The following DNAH5 variants were observed in gnomAD, a reference collection of about 807,000 sequenced individuals.
The protein encoded by DNAH5 is dynein axonemal heavy chain 5.
DNAH5 carries 372 observed loss-of-function variants against 518.2 expected under a neutral mutation model. The ratio of observed to expected loss-of-function variants is 0.72; its 90% confidence interval spans 0.66 to 0.78. The LOEUF (loss-of-function observed/expected upper bound fraction) is 0.78. Ranked by LOEUF, DNAH5 falls within the 30% of genes least tolerant of loss-of-function variation. DNAH5 has a pLI of 0.00. For synonymous variants in DNAH5, 2,039 were observed against 2,025.9 expected (o/e 1.01, Z -0.17); for missense variants, 5,523 against 5,687.0 (o/e 0.97, Z 0.93).
chr5:13,753,822 T>A (rs1750598381), intron 62 of DNAH5, among the ~76,000 whole-genome samples: 1 of 152,124 alleles, frequency 6.6e-6, no homozygotes, highest in African/African-American at 2.4e-5. Flanking sequence ...CCTCTAAGTT[T>A]AAGAGAATAA....
At chr5:13,791,174 T>A (rs975998152) in intron 50 of DNAH5, among the ~76,000 whole-genome samples, 1 of 152,226 alleles carries the variant, frequency 6.6e-6, no homozygotes, top group African/African-American at 2.4e-5. Context: ...GTTTTTTTAG[T>A]AATCAACACT....
chr5:13,783,161 G>A (rs1755446941), intron 52 of DNAH5, among the ~76,000 whole-genome samples: 1 of 152,220 alleles, frequency 6.6e-6, no homozygotes, highest in South Asian at 2.1e-4. Context: ...TGCCAGGCAT[G>A]AGCTGAGCTA....
At chr5:13,869,324 G>GA (rs1554084268) in intron 24 of DNAH5, among the ~76,000 whole-genome samples, 1 of 151,514 alleles carries the variant, frequency 6.6e-6, no homozygotes, top group Non-Finnish European at 1.5e-5. Context: ...TACAACTGGA[G>GA]TTTTTTTTAA....
chr5:13,898,511 T>C (rs1774185294), intron 15 of DNAH5: 4 of 398,472 alleles, frequency 1.0e-5, no homozygotes, highest in Middle Eastern at 6.2e-4. Context: ...CTTTTTAATA[T>C]GACATGAAGT....
chr5:13,882,985 C>T lies in DNAH5; in HGVS notation c.3093G>A (p.Gln1031=). 7 of 1,614,174 alleles carry T rather than the reference C, an allele frequency of 4.3e-6. No individual in the cohort carries two copies. Among genetic ancestry groups the T allele is most frequent in the Non-Finnish European group, 5.9e-6 (7 of 1,180,026 alleles). ...IVMAPALEDV[Q]QTLNKAVECI... is the part of the protein sequence containing the mutation. ...ACTCCACGGCTTTGTTCAGGGTCTGCTGTACATCTTCCAGGGCAGGGGCCA... is the reference window on the plus strand; with the variant it reads ...ACTCCACGGCTTTGTTCAGGGTCTGTTGTACATCTTCCAGGGCAGGGGCCA... The change falls in exon 20 of 79, where the codon CAG becomes CAA. Residue 1031 remains glutamine (Q), a synonymous_variant. Coordinates refer to ENST00000265104, the MANE Select transcript of DNAH5 (RefSeq NM_001369.3).
chr5:13,858,219 C>G (rs7720298), intron 30 of DNAH5, among the ~76,000 whole-genome samples: 35,403 of 152,054 alleles, frequency 0.23, 4,572 homozygotes, highest in South Asian at 0.39. Flanking sequence ...ACATATACAC[C>G]ATGGAATACT....
chr5:13,698,804 G>GCC (rs1446398396), intron 78 of DNAH5, among the ~76,000 whole-genome samples: 1 of 152,184 alleles, frequency 6.6e-6, no homozygotes, highest in Admixed American at 6.5e-5. Flanking sequence ...ACCTTGTTTG[G>GCC]CCCCAGCTAG....
At chr5:13,739,151 A>G (rs1748022671) in intron 65 of DNAH5, among the ~76,000 whole-genome samples, 1 of 152,102 alleles carries the variant, frequency 6.6e-6, no homozygotes, top group Non-Finnish European at 1.5e-5. Flanking sequence ...TACATTCTCA[A>G]TTGGGTACTC....
chr5:13,960,456 C>T (rs1193068731), intron 1 of DNAH5, among the ~76,000 whole-genome samples: 4 of 152,204 alleles, frequency 2.6e-5, no homozygotes, highest in Non-Finnish European at 5.9e-5. Flanking sequence ...GGCCCATTGT[C>T]TATTTTTGTA....
intron 9 of DNAH5, among the ~76,000 whole-genome samples, chr5:13,914,876 C>T (rs13180671): frequency 1.3e-5 from 2 of 151,834 alleles, no homozygotes; most frequent in Non-Finnish European, 2.9e-5. Flanking sequence ...TTTAGGCCAC[C>T]TTGTCTATGC....
At chr5:13,757,279 A>C (rs1297085194) in intron 61 of DNAH5, among the ~76,000 whole-genome samples, 1 of 152,242 alleles carries the variant, frequency 6.6e-6, no homozygotes, top group Non-Finnish European at 1.5e-5. Context: ...AGGAATTGCC[A>C]CACTATCTAC....
chr5:13,860,107 A>G (rs2151901189), intron 29 of DNAH5, among the ~76,000 whole-genome samples: 1 of 152,066 alleles, frequency 6.6e-6, no homozygotes, highest in Admixed American at 6.5e-5. Context: ...CTTCCCACGC[A>G]CCTGTGTCCA....
intron 30 of DNAH5, among the ~76,000 whole-genome samples, chr5:13,858,994 T>C (rs1244466787): frequency 6.6e-6 from 1 of 152,196 alleles, no homozygotes; most frequent in Non-Finnish European, 1.5e-5. Flanking sequence ...TCTTTTTGTT[T>C]TGGAGATTTT....
At chr5:13,750,097 G>C (rs570740974) in intron 65 of DNAH5, among the ~76,000 whole-genome samples, 1 of 152,232 alleles carries the variant, frequency 6.6e-6, no homozygotes, top group South Asian at 2.1e-4. Flanking sequence ...AAGTGGAGGA[G>C]AAAGAGATAG....
At position 13,692,236 on chromosome 5, in the gene DNAH5, A is replaced by C; in HGVS notation, c.13724-101T>G. ...CTGCATTCTGTAGGTCATTTCAAAA[A>C]CAGATGGGTTTGGCTGAATGAGGGA... is the stretch of plus-strand genomic sequence containing the variant. On this transcript the variant is annotated intron_variant, in intron 78 of 78. Coordinates refer to ENST00000265104, the MANE Select transcript of DNAH5 (RefSeq NM_001369.3). 3.7e-6 allele frequency: 5 copies of C among 1,350,110 alleles called. No individual in the cohort carries two copies. In the South Asian group the frequency reaches 6.1e-5, roughly 16 times the overall value. 83.6% of individuals were successfully genotyped at this position (1,350,110 alleles called of 1,614,324 possible).
chr5:13,735,117 A>T lies in DNAH5; in HGVS notation c.11761+14T>A. On this transcript the variant is annotated intron_variant, in intron 68 of 78. Coordinates refer to ENST00000265104, the MANE Select transcript of DNAH5 (RefSeq NM_001369.3). ...TCTGCACCTGTGCGCTATAGTCTCT[A>T]TTCTTATATTGACCTTTAATAAGAG... 6.2e-7 allele frequency: 1 copy of T among 1,613,034 alleles called. No individual in the cohort carries two copies. Among genetic ancestry groups the T allele is most frequent in the South Asian group, 1.1e-5 (1 of 91,068 alleles).
At chr5:13,956,297 T>C (rs1780757397) in intron 1 of DNAH5, among the ~76,000 whole-genome samples, 2 of 152,232 alleles carry the variant, frequency 1.3e-5, no homozygotes, top group Admixed American at 1.3e-4. Flanking sequence ...ATAAAGACTA[T>C]GAATACTGTG....
In DNAH5 at chr5:13,914,618, A is replaced by G; in HGVS notation, c.1222T>C (p.Cys408Arg). 1 of 1,613,222 alleles carries G rather than the reference A, an allele frequency of 6.2e-7. No homozygotes were observed. The highest frequency in any genetic ancestry group is 8.5e-7 in the Non-Finnish European group (1 of 1,179,258). Reference sequence around the variant, plus strand: ...CCATTATTGGTAATATAGGCTTTACATGCAGATATAATCTGATTTGTCACC... The same window carrying G: ...CCATTATTGGTAATATAGGCTTTACGTGCAGATATAATCTGATTTGTCACC... ...VKVTNQIISA[C>R]KAYITNNGTA... is the part of the protein sequence containing the mutation. Residue 408 changes from cysteine (C) to arginine (R), a missense_variant, in exon 10 of 79, where the codon TGT (cysteine) becomes CGT (arginine). By Grantham distance (180) the Cys-to-Arg change is radical (BLOSUM62 -3). This residue lies in a region of DNAH5 where 5,121 missense variants were observed against 5,223.3 expected (regional missense o/e 0.98). Transcript: ENST00000265104.
intron 41 of DNAH5, among the ~76,000 whole-genome samples, chr5:13,819,779 T>C (rs2151812762): frequency 6.6e-6 from 1 of 152,278 alleles, no homozygotes; most frequent in Admixed American, 6.5e-5. Context: ...TGAAATGCAT[T>C]TATTTAACTT....
Sources: gnomAD v4.1 joint callset for allele counts (sites outside exome capture counted in the v4.1 genomes callset) on GRCh38, gnomAD v4.1.1 for gene constraint, gnomAD v4.1.1 regional missense constraint, MANE v1.5 for transcripts, NCBI Gene and HGNC (gene_info 2026-07-23, HGNC 2026-07-21) for gene names.